Variants in FER observed in about 807,000 individuals in gnomAD.
FER encodes the protein FER tyrosine kinase.
FER carries 63 observed loss-of-function variants against 111.0 expected under a neutral mutation model. That is an observed-to-expected ratio of 0.57 (90% CI 0.46 to 0.70). The LOEUF is 0.70. Ranked by LOEUF, FER falls within the 30% of genes least tolerant of loss-of-function variation. FER has a pLI of 0.00. For missense variants in FER, 914 were observed against 954.0 expected (o/e 0.96, Z 0.55); for synonymous variants, 327 against 313.9 (o/e 1.04, Z -0.44).
chr5:109,176,311 T>C (rs753781717), intron 17 of FER, among the ~76,000 whole-genome samples: 2 of 152,284 alleles, frequency 1.3e-5, no homozygotes, highest in African/African-American at 2.4e-5. Flanking sequence ...TTAAAAAGAA[T>C]GAAATCCCGT....
chr5:109,092,130 A>G (rs1283372137), intron 16 of FER, among the ~76,000 whole-genome samples: 2 of 151,950 alleles, frequency 1.3e-5, no homozygotes, highest in African/African-American at 2.4e-5. Flanking sequence ...GTTGCCTAAA[A>G]TGACCTAAAT....
intron 13 of FER, among the ~76,000 whole-genome samples, chr5:109,003,422 C>T (rs1581603340): frequency 6.6e-6 from 1 of 152,026 alleles, no homozygotes; most frequent in East Asian, 1.9e-4. Context: ...ACAATGAGAA[C>T]ACATGGACAC....
intron 17 of FER, among the ~76,000 whole-genome samples, chr5:109,125,381 A>G (rs1265149494): frequency 6.6e-6 from 1 of 152,176 alleles, no homozygotes; most frequent in Admixed American, 6.5e-5. Context: ...TTATCTATTT[A>G]TGTAAGTGGT....
At chr5:108,829,085 TTTTG>T (rs1260327930) in intron 3 of FER, among the ~76,000 whole-genome samples, 2 of 152,236 alleles carry the variant, frequency 1.3e-5, no homozygotes, top group Admixed American at 1.3e-4. Flanking sequence ...GTAGCTTTAC[TTTTG>T]TTTGTTTCTT....
intron 5 of FER, among the ~76,000 whole-genome samples, chr5:108,856,059 A>G (rs1762975684): frequency 6.6e-6 from 1 of 152,140 alleles, no homozygotes; most frequent in South Asian, 2.1e-4. Context: ...TTGCTGGAGA[A>G]ATGTCCCTGA....
chr5:109,105,777 C>T (rs1748841699), intron 17 of FER, among the ~76,000 whole-genome samples: 1 of 152,152 alleles, frequency 6.6e-6, no homozygotes. Flanking sequence ...ATTAAGGGCT[C>T]ACTGAGTACT....
At chr5:108,748,710 C>T (rs1407368501) in intron 1 of FER, 1 of 152,298 alleles carries the variant, frequency 6.6e-6, no homozygotes, top group Admixed American at 6.5e-5. Context: ...TAAGCGTGCG[C>T]CCACCCAGCC....
chr5:109,017,590 C>G (rs1237583327), intron 13 of FER, among the ~76,000 whole-genome samples: 1 of 151,906 alleles, frequency 6.6e-6, no homozygotes, highest in Admixed American at 6.6e-5. Context: ...ATTTGCATAT[C>G]ATAAATTTTA....
At chr5:109,066,571 G>A (rs772390958) in intron 16 of FER, among the ~76,000 whole-genome samples, 23 of 152,094 alleles carry the variant, frequency 1.5e-4, no homozygotes, top group Non-Finnish European at 2.4e-4. Flanking sequence ...GTTGAAACCC[G>A]TCAGTTCTGA....
At chr5:109,123,159 T>TTTG (rs1751218931) in intron 17 of FER, among the ~76,000 whole-genome samples, 1 of 146,582 alleles carries the variant, frequency 6.8e-6, no homozygotes, top group African/African-American at 2.5e-5. Flanking sequence ...CCTGTCTTGT[T>TTTG]TTTTTTTTTT....
chr5:108,847,731 A>T (rs1433297162), intron 5 of FER, among the ~76,000 whole-genome samples: 2 of 152,106 alleles, frequency 1.3e-5, no homozygotes, highest in Non-Finnish European at 2.9e-5. Context: ...TCTTTTGATG[A>T]CCTGACTACT....
intron 17 of FER, among the ~76,000 whole-genome samples, chr5:109,128,929 A>T (rs561840135): frequency 4.6e-5 from 7 of 152,246 alleles, no homozygotes; most frequent in East Asian, 3.9e-4. Flanking sequence ...AAAACATTTT[A>T]TAAAGCTATA....
intron 3 of FER, among the ~76,000 whole-genome samples, chr5:108,832,529 TA>T (rs1760153337): frequency 6.6e-6 from 1 of 152,226 alleles, no homozygotes; most frequent in African/African-American, 2.4e-5. Context: ...AAGAGTCCCG[TA>T]ATCTTTTTCT....
chr5:109,057,025 T>C (rs1175409146), intron 16 of FER, among the ~76,000 whole-genome samples: 2 of 152,128 alleles, frequency 1.3e-5, no homozygotes, highest in Non-Finnish European at 2.9e-5. Context: ...TTGGGGAAAA[T>C]AGACTTCCTA....
chr5:108,933,335 G>A (rs1013394653), intron 10 of FER, among the ~76,000 whole-genome samples: 5 of 151,962 alleles, frequency 3.3e-5, no homozygotes, highest in Non-Finnish European at 7.4e-5. Flanking sequence ...TCCCAACACT[G>A]TTTATTAAAT....
intron 17 of FER, among the ~76,000 whole-genome samples, chr5:109,111,845 TG>T (rs1260358091): frequency 6.6e-6 from 1 of 152,042 alleles, no homozygotes; most frequent in African/African-American, 2.4e-5. Context: ...CCCCCAACAT[TG>T]GGAATTATGT....
chr5:109,028,804 G>T (rs943378303), intron 13 of FER, among the ~76,000 whole-genome samples: 1 of 152,176 alleles, frequency 6.6e-6, no homozygotes, highest in African/African-American at 2.4e-5. Flanking sequence ...AAGTCTTTCT[G>T]TCTACAAACT....
chr5:109,159,807 C>G (rs1300542622), intron 17 of FER, among the ~76,000 whole-genome samples: 1 of 152,216 alleles, frequency 6.6e-6, no homozygotes, highest in East Asian at 1.9e-4. Flanking sequence ...GCAGCCCACC[C>G]TCCCCAGGCC....
In FER at chr5:109,186,250, G is replaced by C. The variant is rs1244445623; in HGVS notation, c.2254G>C (p.Glu752Gln). The C allele has an allele frequency of 1.9e-6, 3 of 1,614,000 alleles. No homozygotes were observed. The highest frequency in any genetic ancestry group is 2.5e-6 in the Non-Finnish European group (3 of 1,179,986). The change falls in exon 19 of 20, where the codon GAG (glutamate) becomes CAG (glutamine). Residue 752 changes from glutamate (E) to glutamine (Q), a missense_variant. Glu to Gln is a conservative substitution (Grantham distance 29). Around this residue, in one of 3 missense-constraint regions of FER, gnomAD observed 134 missense variants for 149.4 expected, o/e 0.90. Coordinates refer to ENST00000281092, the MANE Select transcript of FER (RefSeq NM_005246.4). Reference protein sequence around the residue: ...DVWSFGILLWETFSLGVCPYP... With the variant: ...DVWSFGILLWQTFSLGVCPYP... ...GTGGAGCTTTGGCATCCTTCTCTGGGAGACCTTCAGCTTAGGGGTTTGTCC... is the reference window on the plus strand; with the variant it reads ...GTGGAGCTTTGGCATCCTTCTCTGGCAGACCTTCAGCTTAGGGGTTTGTCC...
Sources: gnomAD v4.1 joint callset for allele counts (sites outside exome capture counted in the v4.1 genomes callset) on GRCh38, gnomAD v4.1.1 for gene constraint, gnomAD v4.1.1 regional missense constraint, MANE v1.5 for transcripts, NCBI Gene and HGNC (gene_info 2026-07-23, HGNC 2026-07-21) for gene names.